WASHC5: variants seen among roughly 807,000 people sequenced by gnomAD.
WASHC5 encodes WASH complex subunit strumpellin.
WASHC5 carries 101 observed loss-of-function variants against 150.4 expected under a neutral mutation model. That is an observed-to-expected ratio of 0.67 (90% CI 0.57 to 0.79). WASHC5 has a LOEUF of 0.79. Ranked by LOEUF, WASHC5 falls within the 30% of genes least tolerant of loss-of-function variation. WASHC5 has a pLI of 0.00. For synonymous variants in WASHC5, 467 were observed against 491.2 expected (o/e 0.95, Z 0.65); for missense variants, 1,195 against 1,396.3 (o/e 0.86, Z 2.30).
chr8:125,049,017 G>A lies in WASHC5; in HGVS notation c.2368C>T (p.Leu790=). 6.2e-7 allele frequency: 1 copy of A among 1,610,914 alleles called. No homozygotes were observed. Among genetic ancestry groups the A allele is most frequent in the East Asian group, 2.2e-5 (1 of 44,794 alleles). Residue 790 remains leucine (L), a synonymous_variant, in exon 19 of 29, where the codon CTA becomes TTA. Coordinates refer to ENST00000318410, the MANE Select transcript of WASHC5 (RefSeq NM_014846.4). The part of the protein sequence containing the change: ...YNVEQECNNF[L]RTKIQDWQSM... ...AATTTATTAGATACCTTCGTTCTTA[G>A]AAAGTTATTACACTCTTGCTCCACG... is the stretch of plus-strand genomic sequence containing the variant.
At chr8:125,057,508 A>G in intron 15 of WASHC5, 48 bp downstream of exon 15, 1 of 1,214,710 alleles carries the variant, frequency 8.2e-7, no homozygotes, top group Non-Finnish European at 1.2e-6. Context: ...TGTATTTAAA[A>G]CAGCAGTTAT....
At chr8:125,088,538 C>T (rs887358293) in intron 1 of WASHC5, among the ~76,000 whole-genome samples, 1 of 152,002 alleles carries the variant, frequency 6.6e-6, no homozygotes, top group Non-Finnish European at 1.5e-5. Context: ...CCCTCTGTAG[C>T]TTGCTAGTCC....
intron 23 of WASHC5, among the ~76,000 whole-genome samples, chr8:125,043,433 G>A (rs550998463): frequency 2.0e-5 from 3 of 152,330 alleles, no homozygotes; most frequent in Admixed American, 2.0e-4. Flanking sequence ...GCAGACACAA[G>A]AGGGCAGAGA....
intron 1 of WASHC5, among the ~76,000 whole-genome samples, chr8:125,088,990 G>A (rs1817511351): frequency 6.6e-6 from 1 of 152,158 alleles, no homozygotes; most frequent in African/African-American, 2.4e-5. Context: ...GATTGGATCT[G>A]AGAGCCAAGA....
At position 125,084,035 on chromosome 8, in the gene WASHC5, A is replaced by G. The variant is rs1028804349; in HGVS notation, c.-124-13T>C. The G allele has an allele frequency of 6.1e-5, 48 of 780,948 alleles. No homozygotes were observed. Among genetic ancestry groups the G allele is most frequent in the African/African-American group, 4.3e-4 (25 of 57,584 alleles). The allele number at this position is 780,948 out of a possible 1,614,324, so 48.4% of individuals were successfully genotyped here. On this transcript the variant is annotated splice_polypyrimidine_tract_variant and intron_variant, in intron 1 of 28. Coordinates refer to ENST00000318410, the MANE Select transcript of WASHC5 (RefSeq NM_014846.4). ...TCCATTAAAGAACCTGTATCCCCAAAAAAAGTGTGAAAATCTCAATTTGTT... is the reference window on the plus strand; with the variant it reads ...TCCATTAAAGAACCTGTATCCCCAAGAAAAGTGTGAAAATCTCAATTTGTT...
In WASHC5 at chr8:125,073,322, T is replaced by C; in HGVS notation, c.981A>G (p.Ala327=). ...TTTCACTGACAGTAGCATATCTGCT[T>C]GCCTTGACAAATAAGAAACTTGAAT... is the stretch of plus-strand genomic sequence containing the variant. The part of the protein sequence containing the change: ...TLDLSNVREQ[A]SRYATVSERV... Residue 327 remains alanine, a splice_region_variant and synonymous_variant, in exon 9 of 29, where the codon GCA becomes GCG. Transcript: ENST00000318410. 6.2e-7 allele frequency: 1 copy of C among 1,613,326 alleles called. No homozygotes were observed.
chr8:125,025,531 T>TA (rs1313394132), intron 28 of WASHC5, among the ~76,000 whole-genome samples: 2 of 151,388 alleles, frequency 1.3e-5, no homozygotes, highest in African/African-American at 2.4e-5. Flanking sequence ...CTACTGAAAA[T>TA]AAAAAAATCA....
chr8:125,072,870 T>C (rs949645167), intron 9 of WASHC5, among the ~76,000 whole-genome samples: 1 of 152,222 alleles, frequency 6.6e-6, no homozygotes, highest in Non-Finnish European at 1.5e-5. Context: ...TTTTTTCATA[T>C]GTCTACATTT....
intron 17 of WASHC5, among the ~76,000 whole-genome samples, chr8:125,053,738 G>A (rs1816317878): frequency 1.3e-5 from 2 of 152,156 alleles, no homozygotes; most frequent in Non-Finnish European, 1.5e-5. Flanking sequence ...GGAATGTTGA[G>A]ATTCTACTGA....
chr8:125,088,374 G>A (rs762902028), intron 1 of WASHC5, among the ~76,000 whole-genome samples: 2 of 147,380 alleles, frequency 1.4e-5, no homozygotes, highest in Non-Finnish European at 3.0e-5. Context: ...GCAGTGAACC[G>A]AGATTGCACC....
At position 125,038,637 on chromosome 8, in the gene WASHC5, C is replaced by T. The variant is rs13277078; in HGVS notation, c.3084+193G>A. The stretch of plus-strand genomic sequence containing the variant: ...TCATGAGCTTTCACCAGCGCTATAG[C>T]ACTTGATTCTCACAGACCTGAGCCA... On this transcript the variant is annotated intron_variant, in intron 25 of 28. Coordinates refer to ENST00000318410, the MANE Select transcript of WASHC5 (RefSeq NM_014846.4). Among the ~76,000 whole-genome samples, 13,658 of 152,242 alleles carry T rather than the reference C, an allele frequency of 0.09. 997 individuals are homozygous for T. Among genetic ancestry groups the T allele is most frequent in the East Asian group, 0.23 (1,176 of 5,166 alleles).
chr8:125,076,651 G>A (rs998907851), intron 6 of WASHC5, 151 bp from the exon 7 acceptor site: 12 of 796,332 alleles, frequency 1.5e-5, no homozygotes, highest in Non-Finnish European at 2.5e-5. Context: ...TTCTCAGACT[G>A]TACCATTGCT....
At chr8:125,058,327 G>T (rs3860842) in intron 14 of WASHC5, among the ~76,000 whole-genome samples, 16,920 of 151,630 alleles carry the variant, frequency 0.11, 2,213 homozygotes, top group African/African-American at 0.31. Flanking sequence ...CAGGAGGATC[G>T]CTTGAGCCTG....
At chr8:125,046,216 G>A (rs1325001563) in intron 20 of WASHC5, among the ~76,000 whole-genome samples, 1 of 152,180 alleles carries the variant, frequency 6.6e-6, no homozygotes, top group Non-Finnish European at 1.5e-5. Context: ...CAGTGAGCCT[G>A]TGCCCAGGGG....
intron 6 of WASHC5, 48 bp downstream of exon 6, chr8:125,078,690 T>C: frequency 7.1e-7 from 1 of 1,412,960 alleles, no homozygotes; most frequent in Admixed American, 1.7e-5. Flanking sequence ...GGAAGTGAAA[T>C]CAGTCTGTTA....
chr8:125,072,363 GGC>G (rs1816924169), intron 9 of WASHC5, among the ~76,000 whole-genome samples: 2 of 93,802 alleles, frequency 2.1e-5, no homozygotes, highest in Admixed American at 1.3e-4. Flanking sequence ...GGGGGGGGGG[GGC>G]GGGCTCTTAT....
In WASHC5 at chr8:125,088,132, T is replaced by C. The variant is rs548670400; in HGVS notation, c.-125+3483A>G. Among the ~76,000 whole-genome samples the C allele has an allele frequency of 3.9e-5, 6 of 152,206 alleles. No individual in the cohort carries two copies. In the East Asian group the frequency reaches 1.2e-3, roughly 29 times the overall value. ...TTCCTTCCCTTGAGTATAAGCTGACTTACTGACTCCCTCCTAAAGAGGAGA... is the reference window on the plus strand; with the variant it reads ...TTCCTTCCCTTGAGTATAAGCTGACCTACTGACTCCCTCCTAAAGAGGAGA... On this transcript the variant is annotated intron_variant, in intron 1 of 28. Coordinates refer to ENST00000318410, the MANE Select transcript of WASHC5 (RefSeq NM_014846.4).
chr8:125,028,619 C>T lies in WASHC5; in HGVS notation c.3423+1G>A. On this transcript the variant is annotated splice_donor_variant, in intron 28 of 28. Coordinates refer to ENST00000318410, the MANE Select transcript of WASHC5 (RefSeq NM_014846.4). LOFTEE classifies it high-confidence loss of function. ...ATTGTTCTTTACTATCTATCACTTACCCTCCTGGGTAGCTTTGTGTACCGA... is the reference window on the plus strand; with the variant it reads ...ATTGTTCTTTACTATCTATCACTTATCCTCCTGGGTAGCTTTGTGTACCGA... The T allele has an allele frequency of 6.3e-7, 1 of 1,597,696 alleles. No homozygotes were observed. Among genetic ancestry groups the T allele is most frequent in the Non-Finnish European group, 8.6e-7 (1 of 1,165,132 alleles).
chr8:125,083,126 C>T lies in WASHC5; in HGVS notation c.319G>A (p.Val107Ile). ...ATAGATCAATACCTGTTTAAGTCTA[C>T]AATATATTTATGTACACTTTGAAAT... is the stretch of plus-strand genomic sequence containing the variant. ...LAFQSVHKYIVDLNRYLDDLN... is the reference protein window; with the variant it reads ...LAFQSVHKYIIDLNRYLDDLN... The change falls in exon 3 of 29, where the codon GTA becomes ATA. Residue 107 changes from valine to isoleucine, a missense_variant. Val to Ile is a conservative substitution (Grantham distance 29). Coordinates refer to ENST00000318410, the MANE Select transcript of WASHC5 (RefSeq NM_014846.4). The T allele has an allele frequency of 3.2e-6, 5 of 1,544,230 alleles. No individual in the cohort carries two copies. Among genetic ancestry groups the T allele is most frequent in the Non-Finnish European group, 4.5e-6 (5 of 1,117,598 alleles).
Sources: allele counts gnomAD v4.1 joint callset (sites outside exome capture counted in the v4.1 genomes callset), GRCh38; gene constraint gnomAD v4.1.1; transcripts MANE v1.5; gene names NCBI Gene and HGNC (gene_info 2026-07-23, HGNC 2026-07-21).